Variants in KCNQ4 observed in about 807,000 individuals in gnomAD.
The protein encoded by KCNQ4 is potassium voltage-gated channel subfamily Q member 4.
KCNQ4 carries 31 observed loss-of-function variants against 72.6 expected under a neutral mutation model. The ratio of observed to expected loss-of-function variants is 0.43; its 90% confidence interval spans 0.32 to 0.58. KCNQ4 has a LOEUF of 0.58. Among genes scored for constraint, KCNQ4 ranks in the 20% least tolerant of loss-of-function variants. The pLI, the probability that KCNQ4 is intolerant of heterozygous loss-of-function variation, is 0.08. For missense variants in KCNQ4, 869 were observed against 962.6 expected, an observed-to-expected ratio of 0.90 and a Z score of 1.29; for synonymous variants, 405 against 403.7, an observed-to-expected ratio of 1.00 and a Z score of -0.04.
In KCNQ4 at chr1:40,784,771, A is replaced by C. The variant is rs1570793867; in HGVS notation, c.314+364A>C. ...AGTGGGCGCCCTTTTCCTCTTCCCCACCCCTGCCTCCCTGTGTCCCAGACA... is the reference window on the plus strand; with the variant it reads ...AGTGGGCGCCCTTTTCCTCTTCCCCCCCCCTGCCTCCCTGTGTCCCAGACA... On this transcript the variant is annotated intron_variant, in intron 1 of 13. Coordinates refer to ENST00000347132, the MANE Select transcript of KCNQ4 (RefSeq NM_004700.4). This position sits in a 1 kb window ranked among gnomAD's most constrained non-coding sequence, Gnocchi z 4.1. Among the ~76,000 whole-genome samples the C allele has an allele frequency of 6.7e-6, 1 of 149,810 alleles. No homozygotes were observed. The highest frequency in any genetic ancestry group is 2.5e-5 in the African/African-American group (1 of 40,494).
chr1:40,819,566 G>A, intron 5 of KCNQ4, 94 bp downstream of exon 5: 1 of 1,534,148 alleles, frequency 6.5e-7, no homozygotes, highest in Non-Finnish European at 8.9e-7. Context: ...ACTCAGGGTT[G>A]AGCGGGCCTG....
intron 6 of KCNQ4, 56 bp from the exon 7 acceptor site, chr1:40,820,109 C>T: frequency 6.5e-7 from 1 of 1,544,506 alleles, no homozygotes; most frequent in Non-Finnish European, 8.9e-7. Context: ...CCCTTGCAGC[C>T]TCTTACTGCC....
In KCNQ4 at chr1:40,794,874, C is replaced by G. The variant is rs1378811782; in HGVS notation, c.314+10467C>G. ...CTGTGGAGCCAGAAGAGGGAGGGGTCTGGTAGGGACAGAGGGATCAGGGGA... is the reference window on the plus strand; with the variant it reads ...CTGTGGAGCCAGAAGAGGGAGGGGTGTGGTAGGGACAGAGGGATCAGGGGA... On this transcript the variant is annotated intron_variant, in intron 1 of 13. Transcript: ENST00000347132. This position sits in a 1 kb window ranked among gnomAD's most constrained non-coding sequence, Gnocchi z 4.2. 1.4e-5 allele frequency among the ~76,000 whole-genome samples: 2 copies of G among 147,618 alleles called. No individual in the cohort carries two copies. Among genetic ancestry groups the G allele is most frequent in the Non-Finnish European group, 3.0e-5 (2 of 67,518 alleles).
Position 40,819,338 on chromosome 1 carries a change from G to T in KCNQ4, c.709-9G>T, listed in dbSNP as rs1028746205. The T allele has an allele frequency of 3.1e-6, 5 of 1,613,534 alleles. No homozygotes were observed. The African/African-American group carries it at 6.7e-5, about 22-fold the overall frequency. On this transcript the variant is annotated splice_polypyrimidine_tract_variant and intron_variant, in intron 4 of 13. Transcript: ENST00000347132. ...CGCTCCTCACCGCGCCCCTCCGCCT[G>T]CCCCGCAGGAGCTGATCACCGCCTG... is the stretch of plus-strand genomic sequence containing the variant.
chr1:40,831,073 TGCCCTGCCAGCA>T lies in KCNQ4; in HGVS notation c.1293-7_1297del. The T allele has an allele frequency of 6.4e-7, 1 of 1,568,216 alleles. No individual in the cohort carries two copies. Among genetic ancestry groups the T allele is most frequent in the Non-Finnish European group, 8.6e-7 (1 of 1,156,218 alleles). On this transcript the variant is annotated splice_acceptor_variant and splice_polypyrimidine_tract_variant and coding_sequence_variant and intron_variant, in exon 10 of 14. Transcript: ENST00000347132. LOFTEE classifies it high-confidence loss of function. ...TAACTTGGCTCTCTCCCAACCTGCC[TGCCCTGCCAGCA>T]GCCGGATGGGCATCAAAGACCGCAT...
At chr1:40,805,650 C>T (rs4660466) in intron 1 of KCNQ4, among the ~76,000 whole-genome samples, 53,108 of 151,834 alleles carry the variant, frequency 0.35, 9,515 homozygotes, top group Non-Finnish European at 0.39. Context: ...GAAAAGAGCG[C>T]GTTTGCCATT....
At position 40,833,073 on chromosome 1, in the gene KCNQ4, G is replaced by A. The variant is rs771129024; in HGVS notation, c.1573G>A (p.Asp525Asn). 1.4e-5 allele frequency: 22 copies of A among 1,612,966 alleles called. No homozygotes were observed. Among genetic ancestry groups the A allele is most frequent in the East Asian group, 2.2e-5 (1 of 44,892 alleles). ...CTACCAGTGTGAGCTCACGGTGGAC[G>A]ACATCATGCCTGCTGTGAAGACAGT... ...KSYQCELTVD[D>N]IMPAVKTVIR... Residue 525 changes from aspartate (D) to asparagine (N), a missense_variant, in exon 11 of 14, where the codon GAC becomes AAC. Transcript: ENST00000347132.
At chr1:40,826,836 G>GC in intron 9 of KCNQ4, 1 of 353,630 alleles carries the variant, frequency 2.8e-6, no homozygotes, top group Non-Finnish European at 5.8e-6. Flanking sequence ...TGAACCCCTC[G>GC]CCTTTCTGGG....
At chr1:40,835,371 G>A (rs1648781273) in intron 12 of KCNQ4, among the ~76,000 whole-genome samples, 1 of 152,230 alleles carries the variant, frequency 6.6e-6, no homozygotes, top group Non-Finnish European at 1.5e-5. Context: ...TGTTTAGAAT[G>A]ACTGTTTCCT....
At chr1:40,806,434 A>G (rs1303252008) in intron 1 of KCNQ4, among the ~76,000 whole-genome samples, 2 of 152,224 alleles carry the variant, frequency 1.3e-5, no homozygotes, top group African/African-American at 4.8e-5. Context: ...TGCTCAGCCC[A>G]CTGACCTGGT....
At chr1:40,793,250 A>G (rs1365067888) in intron 1 of KCNQ4, among the ~76,000 whole-genome samples, 1 of 150,714 alleles carries the variant, frequency 6.6e-6, no homozygotes, top group Admixed American at 6.6e-5. Flanking sequence ...CGATCCTCCC[A>G]CGGTGGCCTC....
chr1:40,806,076 C>T (rs1362743947), intron 1 of KCNQ4, among the ~76,000 whole-genome samples: 6 of 152,170 alleles, frequency 3.9e-5, no homozygotes, highest in Non-Finnish European at 5.9e-5. Flanking sequence ...CTCCTGACCT[C>T]GTGATCCGCC....
chr1:40,805,992 C>G (rs1389904656), intron 1 of KCNQ4, among the ~76,000 whole-genome samples: 1 of 152,220 alleles, frequency 6.6e-6, no homozygotes, highest in Non-Finnish European at 1.5e-5. Flanking sequence ...CAGGCGCCCA[C>G]CACCACGCCT....
At chr1:40,820,681 G>A (rs4660469) in intron 7 of KCNQ4, among the ~76,000 whole-genome samples, 84,140 of 152,140 alleles carry the variant, frequency 0.55, 23,411 homozygotes, top group Middle Eastern at 0.6. Context: ...AATGAAGAGA[G>A]GATGGTGCAG....
chr1:40,834,901 G>T, intron 11 of KCNQ4, 66 bp from the exon 12 acceptor site: 1 of 1,600,100 alleles, frequency 6.2e-7, no homozygotes, highest in Admixed American at 1.7e-5. Context: ...CAAAGAGATG[G>T]AGAGGGTGCT....
chr1:40,807,140 T>G (rs915997553), intron 1 of KCNQ4, among the ~76,000 whole-genome samples: 13 of 152,148 alleles, frequency 8.5e-5, no homozygotes, highest in Non-Finnish European at 1.6e-4. Context: ...ACGGGAATGC[T>G]TTTTTTCTAA....
intron 1 of KCNQ4, among the ~76,000 whole-genome samples, chr1:40,787,084 G>A (rs1647210452): frequency 6.6e-6 from 1 of 152,178 alleles, no homozygotes; most frequent in African/African-American, 2.4e-5. Flanking sequence ...CCCAGCAGAA[G>A]AGCCTGCAAG....
intron 9 of KCNQ4, among the ~76,000 whole-genome samples, chr1:40,829,066 C>T (rs983899673): frequency 1.3e-5 from 2 of 152,260 alleles, no homozygotes; most frequent in Non-Finnish European, 2.9e-5. Context: ...GCTTGCATTA[C>T]TTCTTTTGAC....
intron 1 of KCNQ4, among the ~76,000 whole-genome samples, chr1:40,812,617 A>C (rs1468704940): frequency 6.6e-6 from 1 of 152,196 alleles, no homozygotes; most frequent in African/African-American, 2.4e-5. Context: ...GAGAGTATCA[A>C]GGGTATAGAA....
Sources: allele counts gnomAD v4.1 joint callset (sites outside exome capture counted in the v4.1 genomes callset), GRCh38; gene constraint gnomAD v4.1.1; non-coding constraint Gnocchi (gnomAD v3.1); transcripts MANE v1.5; gene names NCBI Gene and HGNC (gene_info 2026-07-23, HGNC 2026-07-21).